Variants in ZSCAN2 observed in about 807,000 individuals in gnomAD.
ZSCAN2 encodes zinc finger and SCAN domain containing 2.
A neutral mutation model predicts 47.8 loss-of-function variants in ZSCAN2; 26 were observed. That is an observed-to-expected ratio of 0.54 (90% confidence interval 0.40 to 0.75). The LOEUF is 0.75. ZSCAN2 is among the 30% of genes least tolerant of loss of function. ZSCAN2 has a pLI of 0.00. For synonymous variants in ZSCAN2, 305 were observed against 288.7 expected (o/e 1.06, Z -0.57); for missense variants, 732 against 785.4 (o/e 0.93, Z 0.81).
At chr15:84,605,093 A>G (rs1485384183) in intron 2 of ZSCAN2, among the ~76,000 whole-genome samples, 1 of 152,224 alleles carries the variant, frequency 6.6e-6, no homozygotes, top group Non-Finnish European at 1.5e-5. Context: ...GCTAATAACT[A>G]GGGACTTTCT....
intron 2 of ZSCAN2, among the ~76,000 whole-genome samples, chr15:84,605,059 C>T (rs1895340512): frequency 6.6e-6 from 1 of 152,124 alleles, no homozygotes; most frequent in Non-Finnish European, 1.5e-5. Context: ...TTTTATGAAA[C>T]CAAGAGAAAT....
At chr15:84,613,290 A>G (rs893871883) in intron 2 of ZSCAN2, among the ~76,000 whole-genome samples, 2 of 152,050 alleles carry the variant, frequency 1.3e-5, no homozygotes, top group Non-Finnish European at 2.9e-5. Flanking sequence ...CTGATTGTCT[A>G]TTAATGTTTT....
intron 2 of ZSCAN2, among the ~76,000 whole-genome samples, chr15:84,609,119 C>T (rs1044355378): frequency 6.6e-6 from 1 of 152,218 alleles, no homozygotes; most frequent in Non-Finnish European, 1.5e-5. Context: ...GCTGCCCCAG[C>T]AAAATGCTCC....
At chr15:84,619,409 C>G (rs1055814070) in intron 2 of ZSCAN2, among the ~76,000 whole-genome samples, 8 of 150,046 alleles carry the variant, frequency 5.3e-5, no homozygotes, top group Non-Finnish European at 7.4e-5. Context: ...CAGCCTGGGC[C>G]ACACAGCGAG....
At chr15:84,616,386 A>G (rs1452207103) in intron 2 of ZSCAN2, 2 of 1,608,252 alleles carry the variant, frequency 1.2e-6, no homozygotes, top group Non-Finnish European at 1.7e-6. Context: ...TGAACCAAAG[A>G]AGCCAGCCCT....
At chr15:84,613,465 C>T (rs1431680640) in intron 2 of ZSCAN2, among the ~76,000 whole-genome samples, 15 of 151,878 alleles carry the variant, frequency 9.9e-5, no homozygotes, top group African/African-American at 3.1e-4. Flanking sequence ...GGATTACAGG[C>T]GCCCGCCACC....
intron 2 of ZSCAN2, among the ~76,000 whole-genome samples, chr15:84,608,371 AAT>A (rs1895444246): frequency 6.6e-6 from 1 of 151,948 alleles, no homozygotes; most frequent in Non-Finnish European, 1.5e-5. Flanking sequence ...CTCTGCTAAA[AAT>A]ACAAAAAAAA....
At chr15:84,619,814 G>T (rs1895774812) in intron 2 of ZSCAN2, among the ~76,000 whole-genome samples, 1 of 151,972 alleles carries the variant, frequency 6.6e-6, no homozygotes, top group African/African-American at 2.4e-5. Context: ...TTCAGATGAA[G>T]ACACAGGTAG....
chr15:84,618,400 C>CA (rs1178982232), intron 2 of ZSCAN2, among the ~76,000 whole-genome samples: 1 of 151,956 alleles, frequency 6.6e-6, no homozygotes, highest in Non-Finnish European at 1.5e-5. Context: ...GCTGGGTGAC[C>CA]AAGTGAGACT....
rs578058785 is a variant in ZSCAN2 at position 84,621,421 on chromosome 15, G to A, written c.1226G>A (p.Arg409Gln). The A allele has an allele frequency of 5.7e-5, 92 of 1,610,836 alleles. No homozygotes were observed. The highest frequency in any genetic ancestry group is 7.1e-5 in the Non-Finnish European group (84 of 1,179,012). The change falls in exon 3 of 3, where the codon CGG (arginine) becomes CAG (glutamine). Residue 409 changes from arginine to glutamine, a missense_variant. Transcript: ENST00000546148. This position sits in a 1 kb window ranked among gnomAD's most constrained non-coding sequence, Gnocchi z 5.7. Reference sequence around the variant, plus strand: ...CAGAGTTCAGCCCTCATCACCCACCGGAGAACCCACACAGGAGAGAAACCC... The same window carrying A: ...CAGAGTTCAGCCCTCATCACCCACCAGAGAACCCACACAGGAGAGAAACCC... ...FSQSSALITH[R>Q]RTHTGEKPYQ...
rs753315167 is a variant in ZSCAN2 at position 84,620,745 on chromosome 15, A to G, written c.550A>G (p.Ile184Val). The G allele has an allele frequency of 4.0e-5, 65 of 1,614,138 alleles. No individual in the cohort carries two copies. The highest frequency in any genetic ancestry group is 5.0e-5 in the Admixed American group (3 of 60,014). ...GESDFERDAG[I>V]QRLQGHSPGE... ...AAGTGACTTTGAGAGAGATGCTGGC[A>G]TCCAGAGGCTCCAGGGACACAGCCC... Residue 184 changes from isoleucine (I) to valine (V), a missense_variant, in exon 3 of 3, where the codon ATC becomes GTC. Physicochemically the swap from Ile to Val is conservative, Grantham distance 29. Coordinates refer to ENST00000546148, the MANE Select transcript of ZSCAN2 (RefSeq NM_181877.4).
chr15:84,601,330 C>T (rs1279718055), intron 1 of ZSCAN2, 195 bp downstream of exon 1: 1 of 152,244 alleles, frequency 6.6e-6, no homozygotes, highest in Non-Finnish European at 1.5e-5. Flanking sequence ...GACGCGTCTC[C>T]CTGGCGGAGA....
At chr15:84,606,975 C>T (rs1895402227) in intron 2 of ZSCAN2, 1 of 608,036 alleles carries the variant, frequency 1.6e-6, no homozygotes, top group Admixed American at 6.2e-5. Flanking sequence ...GTTTGTCCAG[C>T]TTATGACCTT....
intron 2 of ZSCAN2, chr15:84,606,722 C>T (rs1002240298): frequency 1.0e-5 from 15 of 1,431,388 alleles, no homozygotes; most frequent in Non-Finnish European, 1.4e-5. Flanking sequence ...CCCTTCCCAT[C>T]CACCTTGCAG....
At chr15:84,620,580 A>G in intron 2 of ZSCAN2, 22 bp from the exon 3 acceptor site, 3 of 1,572,654 alleles carry the variant, frequency 1.9e-6, no homozygotes, top group South Asian at 2.3e-5. Context: ...TAGACATTGT[A>G]TGTTTTTCTT....
intron 2 of ZSCAN2, among the ~76,000 whole-genome samples, chr15:84,620,094 C>A (rs1386593692): frequency 1.3e-5 from 2 of 152,044 alleles, no homozygotes; most frequent in Non-Finnish European, 2.9e-5. Context: ...CTGATGCTCT[C>A]CCTCCCCCTC....
At chr15:84,619,878 A>G (rs1222639654) in intron 2 of ZSCAN2, among the ~76,000 whole-genome samples, 3 of 151,922 alleles carry the variant, frequency 2.0e-5, no homozygotes, top group Admixed American at 2.0e-4. Context: ...TGATTGCCAC[A>G]AAGATTATGA....
intron 1 of ZSCAN2, among the ~76,000 whole-genome samples, chr15:84,603,028 A>G (rs756723642): frequency 5.9e-5 from 9 of 152,132 alleles, no homozygotes; most frequent in Non-Finnish European, 1.0e-4. Flanking sequence ...TGGAGAGTAT[A>G]TGCATGTTTT....
chr15:84,618,278 C>T (rs949114863), intron 2 of ZSCAN2, among the ~76,000 whole-genome samples: 5 of 151,838 alleles, frequency 3.3e-5, no homozygotes, highest in East Asian at 1.9e-4. Flanking sequence ...ATTAGCTGGG[C>T]GTGGTGGTGT....
Sources: allele counts gnomAD v4.1 joint callset (sites outside exome capture counted in the v4.1 genomes callset), GRCh38; gene constraint gnomAD v4.1.1; non-coding constraint Gnocchi (gnomAD v3.1); transcripts MANE v1.5; gene names NCBI Gene and HGNC (gene_info 2026-07-23, HGNC 2026-07-21).